The following CECR2 variants were observed in gnomAD, a reference collection of about 807,000 sequenced individuals.
CECR2 encodes chromatin remodeling regulator CECR2.
CECR2 carries 30 observed loss-of-function variants against 154.5 expected under a neutral mutation model. The ratio of observed to expected loss-of-function variants is 0.19; its 90% CI spans 0.15 to 0.26. CECR2 has a LOEUF of 0.26. Among genes scored for constraint, CECR2 ranks in the 10% least tolerant of loss-of-function variants. The pLI is 1.00. For missense variants in CECR2, 1,743 were observed against 1,829.3 expected, an observed-to-expected ratio of 0.95 and a Z score of 0.86; for synonymous variants, 725 against 683.7, an observed-to-expected ratio of 1.06 and a Z score of -0.94.
At chr22:17,461,179 G>A (rs1386475381) in intron 1 of CECR2, among the ~76,000 whole-genome samples, 2 of 152,188 alleles carry the variant, frequency 1.3e-5, no homozygotes, top group Admixed American at 1.3e-4. Flanking sequence ...TAGTCAATCT[G>A]ATATGAGGAA....
chr22:17,477,256 C>T (rs547569676), intron 1 of CECR2: 2 of 647,586 alleles, frequency 3.1e-6, no homozygotes, highest in South Asian at 1.8e-5. Flanking sequence ...TGTATTTATA[C>T]TCGATTATAT....
chr22:17,472,840 A>G (rs912433660), intron 1 of CECR2, among the ~76,000 whole-genome samples: 1 of 152,236 alleles, frequency 6.6e-6, no homozygotes, highest in Non-Finnish European at 1.5e-5. Context: ...AATATCCTGC[A>G]TATGTCACTT....
chr22:17,405,256 C>G (rs184773004), intron 1 of CECR2, among the ~76,000 whole-genome samples: 28 of 151,918 alleles, frequency 1.8e-4, no homozygotes, highest in African/African-American at 6.8e-4. Context: ...CTAAAAAATA[C>G]AAACAATTAG....
At position 17,466,598 on chromosome 22, in the gene CECR2, C is replaced by CT. The variant is rs1555913227; in HGVS notation, c.127-10976dup. 3.5e-3 allele frequency among the ~76,000 whole-genome samples: 486 copies of CT among 140,124 alleles called. 1 individual carries two copies. Among genetic ancestry groups the CT allele is most frequent in the African/African-American group, 6.6e-3 (254 of 38,324 alleles). The allele number at this position is 140,124 out of a possible 152,430, so 91.9% of individuals were successfully genotyped here. A position where few individuals can be genotyped will look rare whatever the true frequency, so the allele number is the denominator to read the frequency against. On this transcript the variant is annotated intron_variant, in intron 1 of 18. Coordinates refer to ENST00000262608, the MANE Select transcript of CECR2 (RefSeq NM_001290047.2). ...CCACTATTGTTACTTAAAACCTTGC[C>CT]TTTTTTTTTTTTTTGAGAAGGAGTC...
chr22:17,511,943 G>C, intron 8 of CECR2, 47 bp downstream of exon 8: 6 of 1,415,986 alleles, frequency 4.2e-6, no homozygotes, highest in Non-Finnish European at 5.8e-6. Flanking sequence ...TGATGAAAGA[G>C]ACGGATCCTT....
At chr22:17,476,557 C>T (rs925012057) in intron 1 of CECR2, among the ~76,000 whole-genome samples, 1 of 152,118 alleles carries the variant, frequency 6.6e-6, no homozygotes, top group Non-Finnish European at 1.5e-5. Context: ...AACCCCACCC[C>T]GTTTTGTGTC....
chr22:17,529,002 A>T (rs1322109675), intron 9 of CECR2, among the ~76,000 whole-genome samples: 1 of 151,910 alleles, frequency 6.6e-6, no homozygotes. Flanking sequence ...AGGCTGTGGC[A>T]GGAGGACCCC....
At chr22:17,368,531 C>CGCTACAGCAGTTAGCATT (rs2063016447), upstream of CECR2, among the ~76,000 whole-genome samples, 1 of 152,136 alleles carries the variant, frequency 6.6e-6, no homozygotes, top group African/African-American at 2.4e-5. Flanking sequence ...TACTCCACCG[C>CGCTACAGCAGTTAGCATT]GCTACAGCAG....
intron 17 of CECR2, among the ~76,000 whole-genome samples, chr22:17,550,675 G>A (rs954119879): frequency 6.6e-6 from 1 of 152,192 alleles, no homozygotes; most frequent in African/African-American, 2.4e-5. Flanking sequence ...AGGCGCGGTG[G>A]CTCACACCTG....
At chr22:17,371,088 A>G (rs1044028434) in intron 1 of CECR2, among the ~76,000 whole-genome samples, 16 of 152,056 alleles carry the variant, frequency 1.1e-4, no homozygotes, top group Admixed American at 6.6e-4. Flanking sequence ...GGTTGATTTT[A>G]ACTCGTTTAT....
Position 17,548,820 on chromosome 22 carries a change from C to T in CECR2, c.3533C>T (p.Pro1178Leu). ...TCTGGAGGCTTTCCCCGGTATCGCC[C>T]CCCACAAGGAATGAGGTATTCCTAC... The part of the protein sequence containing the change: ...PHSGGFPRYR[P>L]PQGMRYSYHP... Residue 1178 changes from proline to leucine, a missense_variant, in exon 17 of 19, where the codon CCC becomes CTC. This residue lies in a region of CECR2 where 1,250 missense variants were observed against 1,192.1 expected (regional missense o/e 1.05). Transcript: ENST00000262608. 1 of 1,613,778 alleles carries T rather than the reference C, an allele frequency of 6.2e-7. No individual in the cohort carries two copies. The highest frequency in any genetic ancestry group is 8.5e-7 in the Non-Finnish European group (1 of 1,179,844).
chr22:17,517,640 A>T (rs1423106360), intron 8 of CECR2, among the ~76,000 whole-genome samples: 1 of 152,202 alleles, frequency 6.6e-6, no homozygotes, highest in Non-Finnish European at 1.5e-5. Flanking sequence ...TTCGTAGGTT[A>T]ATGGTGAAGG....
In CECR2 at chr22:17,542,989, C is replaced by T; in HGVS notation, c.2846C>T (p.Pro949Leu). 6.2e-7 allele frequency: 1 copy of T among 1,607,142 alleles called. No homozygotes were observed. Among genetic ancestry groups the T allele is most frequent in the South Asian group, 1.1e-5 (1 of 90,254 alleles). The part of the protein sequence containing the change: ...RAPENSEAQE[P>L]ENDQAEPLPG... ...CCGGAGAACAGTGAAGCACAAGAGC[C>T]TGAGAATGACCAAGGTAATTTACAC... Residue 949 changes from proline (P) to leucine (L), a missense_variant, in exon 16 of 19, where the codon CCT becomes CTT. Transcript: ENST00000262608.
intron 1 of CECR2, among the ~76,000 whole-genome samples, chr22:17,466,598 C>CCTT (rs555359003): frequency 3.6e-5 from 5 of 140,180 alleles, no homozygotes; most frequent in African/African-American, 5.2e-5. Flanking sequence ...AAAACCTTGC[C>CCTT]TTTTTTTTTT....
chr22:17,452,684 G>C (rs1430783927), intron 1 of CECR2, among the ~76,000 whole-genome samples: 1 of 152,104 alleles, frequency 6.6e-6, no homozygotes, highest in East Asian at 1.9e-4. Flanking sequence ...TTCGGGTTTT[G>C]GAAATAGTAA....
chr22:17,548,865 C>A lies in CECR2; in HGVS notation c.3578C>A (p.Ser1193Tyr). The A allele has an allele frequency of 1.2e-6, 2 of 1,613,390 alleles. No individual in the cohort carries two copies. The highest frequency in any genetic ancestry group is 1.7e-6 in the Non-Finnish European group (2 of 1,179,524). Residue 1193 changes from serine (S) to tyrosine (Y), a missense_variant, in exon 17 of 19, where the codon TCC becomes TAC. Transcript: ENST00000262608. ...RYSYHPPPQP[S>Y]YHHYQRTPYY... ...TCCTACCACCCACCGCCACAGCCTT[C>A]CTACCACCACTATCAGCGAACTCCT...
intron 1 of CECR2, among the ~76,000 whole-genome samples, chr22:17,453,151 A>T (rs1390501283): frequency 1.3e-5 from 2 of 152,192 alleles, no homozygotes; most frequent in Non-Finnish European, 2.9e-5. Flanking sequence ...GGCTATAAAA[A>T]TATGTATGGG....
intron 1 of CECR2, among the ~76,000 whole-genome samples, chr22:17,431,485 A>G (rs559407274): frequency 1.3e-5 from 2 of 152,314 alleles, no homozygotes; most frequent in East Asian, 3.9e-4. Flanking sequence ...ATTTTGTTTG[A>G]ACTTCATCGG....
chr22:17,501,183 T>A (rs1281516256), intron 5 of CECR2, among the ~76,000 whole-genome samples: 1 of 152,194 alleles, frequency 6.6e-6, no homozygotes, highest in Admixed American at 6.5e-5. Context: ...TCACTAAGCC[T>A]ATTGAAGTGA....
Sources: allele counts gnomAD v4.1 joint callset (sites outside exome capture counted in the v4.1 genomes callset), GRCh38; gene constraint gnomAD v4.1.1; regional missense constraint gnomAD v4.1.1; transcripts MANE v1.5; gene names NCBI Gene and HGNC (gene_info 2026-07-23, HGNC 2026-07-21).